The following THSD4 variants were observed in gnomAD, a reference collection of about 807,000 sequenced individuals.
THSD4 encodes thrombospondin type 1 domain containing 4.
THSD4 carries 69 observed loss-of-function variants against 119.0 expected under a neutral mutation model. The ratio of observed to expected loss-of-function variants is 0.58; its 90% CI spans 0.48 to 0.71. THSD4 has a LOEUF of 0.71. Ranked by LOEUF, THSD4 falls within the 30% of genes least tolerant of loss-of-function variation. The pLI, the probability that THSD4 is intolerant of heterozygous loss-of-function variation, is 0.00. For missense variants in THSD4, 1,393 were observed against 1,391.1 expected (o/e 1.00, Z -0.02); for synonymous variants, 524 against 540.4 (o/e 0.97, Z 0.42).
chr15:71,414,309 A>G (rs961617390), intron 7 of THSD4, among the ~76,000 whole-genome samples: 4 of 152,242 alleles, frequency 2.6e-5, no homozygotes, highest in Non-Finnish European at 5.9e-5. Flanking sequence ...TGGATTTTCT[A>G]TGCAAAAGTG....
At chr15:71,357,261 G>A (rs1490457347) in intron 6 of THSD4, among the ~76,000 whole-genome samples, 1 of 152,214 alleles carries the variant, frequency 6.6e-6, no homozygotes, top group African/African-American at 2.4e-5. Flanking sequence ...GCCTACTGTA[G>A]GACATCTGCA....
intron 6 of THSD4, among the ~76,000 whole-genome samples, chr15:71,409,650 C>G (rs2046656505): frequency 6.6e-6 from 1 of 152,186 alleles, no homozygotes; most frequent in African/African-American, 2.4e-5. Context: ...ACGATGCAGT[C>G]TTCCTGAACC....
At chr15:71,459,907 A>G (rs550432791) in intron 7 of THSD4, among the ~76,000 whole-genome samples, 10 of 151,930 alleles carry the variant, frequency 6.6e-5, no homozygotes, top group South Asian at 4.2e-4. Context: ...AAGACTATAT[A>G]TTCAGTCTCA....
intron 7 of THSD4, among the ~76,000 whole-genome samples, chr15:71,651,424 C>A (rs1373492686): frequency 1.3e-5 from 2 of 152,196 alleles, no homozygotes; most frequent in African/African-American, 4.8e-5. Flanking sequence ...CTGCCATTTC[C>A]CACTCAAGAG....
rs1470673435 is a variant in THSD4 at position 71,217,507 on chromosome 15, C to T, written c.464+2108C>T. ...ACGTGGTGGCGGGTGCCTGTATTCC[C>T]AGCTACTCGGGAGGCTGAGGCAGGA... On this transcript the variant is annotated intron_variant, in intron 4 of 17. Coordinates refer to ENST00000261862, the MANE Select transcript of THSD4 (RefSeq NM_024817.3). 5.3e-5 allele frequency among the ~76,000 whole-genome samples: 8 copies of T among 151,764 alleles called. No homozygotes were observed. The East Asian group carries it at 1.6e-3, about 30-fold the overall frequency.
chr15:71,117,986 T>A (rs926286998), intron 1 of THSD4, among the ~76,000 whole-genome samples: 1 of 152,006 alleles, frequency 6.6e-6, no homozygotes, highest in Non-Finnish European at 1.5e-5. Context: ...ACAAGGGGGA[T>A]GTGCAAAACA....
chr15:71,547,362 C>T lies in THSD4; in HGVS notation c.1153-113168C>T, dbSNP rs558482454. 1.0e-4 allele frequency: 159 copies of T among 1,548,708 alleles called. No individual in the cohort carries two copies. In the African/African-American group the frequency reaches 2.0e-3, roughly 19 times the overall value. On this transcript the variant is annotated intron_variant, in intron 7 of 17. Transcript: ENST00000261862. ...CAAGTGCATCTGCTAGCTGTTAGCA[C>T]TTGGCAGACGGAGTTCTCCTCTAGG...
At chr15:71,740,178 T>C (rs2053208203) in intron 11 of THSD4, among the ~76,000 whole-genome samples, 1 of 152,192 alleles carries the variant, frequency 6.6e-6, no homozygotes, top group African/African-American at 2.4e-5. Flanking sequence ...CAACTTCTTT[T>C]ATATACTTTG....
At chr15:71,197,798 G>C (rs2043733237) in intron 3 of THSD4, among the ~76,000 whole-genome samples, 1 of 152,156 alleles carries the variant, frequency 6.6e-6, no homozygotes, top group African/African-American at 2.4e-5. Flanking sequence ...CCTGCTGCCT[G>C]TCTGCCCCCT....
intron 3 of THSD4, among the ~76,000 whole-genome samples, chr15:71,174,692 GACAA>G (rs1008215196): frequency 6.3e-5 from 9 of 142,928 alleles, no homozygotes; most frequent in African/African-American, 1.3e-4. Flanking sequence ...GCAGGGCACA[GACAA>G]ACAAAAAGAC....
chr15:71,412,102 G>A (rs1030206350), intron 7 of THSD4, among the ~76,000 whole-genome samples: 5 of 152,204 alleles, frequency 3.3e-5, no homozygotes, highest in African/African-American at 1.2e-4. Context: ...CAATCTTTGC[G>A]AGTTGGATCT....
At chr15:71,475,601 C>G (rs1436151894) in intron 7 of THSD4, among the ~76,000 whole-genome samples, 3 of 152,272 alleles carry the variant, frequency 2.0e-5, no homozygotes, top group Admixed American at 2.0e-4. Flanking sequence ...GGACCACACT[C>G]TAAGTAGCAG....
At chr15:71,367,106 C>A (rs2140429080) in intron 6 of THSD4, among the ~76,000 whole-genome samples, 1 of 152,232 alleles carries the variant, frequency 6.6e-6, no homozygotes, top group African/African-American at 2.4e-5. Flanking sequence ...ATGTAGCTTC[C>A]ACTATTTTTA....
intron 1 of THSD4, among the ~76,000 whole-genome samples, chr15:71,134,931 G>A (rs1475868204): frequency 1.4e-5 from 2 of 146,456 alleles, no homozygotes; most frequent in Admixed American, 1.4e-4. Flanking sequence ...TGTTTATTGC[G>A]GCATTATTCA....
intron 7 of THSD4, among the ~76,000 whole-genome samples, chr15:71,503,676 C>T (rs927992461): frequency 2.0e-5 from 3 of 152,160 alleles, no homozygotes; most frequent in Non-Finnish European, 4.4e-5. Context: ...AGCCCCTAGG[C>T]TGTTGTGCAT....
At chr15:71,598,751 G>A (rs1241464923) in intron 7 of THSD4, among the ~76,000 whole-genome samples, 2 of 152,014 alleles carry the variant, frequency 1.3e-5, no homozygotes, top group Admixed American at 1.3e-4. Flanking sequence ...CCTACTAGCT[G>A]GGACTACAGG....
chr15:71,586,600 T>C (rs1261442717), intron 7 of THSD4, among the ~76,000 whole-genome samples: 1 of 152,172 alleles, frequency 6.6e-6, no homozygotes, highest in Non-Finnish European at 1.5e-5. Context: ...ATCCTTCTCA[T>C]ACTTCAAACC....
intron 7 of THSD4, among the ~76,000 whole-genome samples, chr15:71,486,008 A>G (rs901457023): frequency 6.6e-6 from 1 of 152,228 alleles, no homozygotes; most frequent in Non-Finnish European, 1.5e-5. Context: ...ATGCTGAACA[A>G]ATTGAAGTCA....
In THSD4 at chr15:71,630,461, T is replaced by C. The variant is rs576941308; in HGVS notation, c.1153-30069T>C. On this transcript the variant is annotated intron_variant, in intron 7 of 17. Transcript: ENST00000261862. ...CCAATTTTGGGGTTTCTTGTCATGC[T>C]TTCCTCAAAAACTTTCTTTATATAA... 2.6e-4 allele frequency among the ~76,000 whole-genome samples: 40 copies of C among 152,376 alleles called. 1 individual carries two copies. The South Asian group carries it at 8.1e-3, about 31-fold the overall frequency.
Sources: gnomAD v4.1 joint callset for allele counts (sites outside exome capture counted in the v4.1 genomes callset) on GRCh38, gnomAD v4.1.1 for gene constraint, MANE v1.5 for transcripts, NCBI Gene and HGNC (gene_info 2026-07-23, HGNC 2026-07-21) for gene names.